BMERB1: variants seen among roughly 807,000 people sequenced by gnomAD.
The protein encoded by BMERB1 is bMERB domain-containing protein 1.
A neutral mutation model predicts 23.6 loss-of-function variants in BMERB1; 12 were observed. The observed-to-expected ratio is 0.51, with a 90% confidence interval of 0.33 to 0.82. BMERB1 has a LOEUF of 0.82. BMERB1 is among the 40% of genes least tolerant of loss of function. The probability of loss-of-function intolerance (pLI) is 0.03; values close to 1 mark genes in which losing one functional copy is unlikely to be tolerated. For synonymous variants in BMERB1, 122 were observed against 96.6 expected, an observed-to-expected ratio of 1.26 and a Z score of -1.54; for missense variants, 247 against 255.4, an observed-to-expected ratio of 0.97 and a Z score of 0.22.
At chr16:15,443,013 C>T (rs537748451) in intron 1 of BMERB1, among the ~76,000 whole-genome samples, 3 of 152,138 alleles carry the variant, frequency 2.0e-5, no homozygotes, top group Admixed American at 6.6e-5. Flanking sequence ...TTTGGGAGGC[C>T]GAGGCTGGTG....
intron 2 of BMERB1, among the ~76,000 whole-genome samples, chr16:15,530,193 C>A (rs529803724): frequency 2.6e-5 from 4 of 152,176 alleles, no homozygotes; most frequent in African/African-American, 9.7e-5. Flanking sequence ...GTATGCCTAG[C>A]ATTCCATTAT....
intron 1 of BMERB1, among the ~76,000 whole-genome samples, chr16:15,501,663 G>A (rs533435276): frequency 5.9e-5 from 9 of 152,262 alleles, no homozygotes; most frequent in Admixed American, 2.0e-4. Flanking sequence ...TTAGGAAGAC[G>A]GGCTTTCGCC....
At chr16:15,581,502 A>G (rs2031014216) in intron 4 of BMERB1, 171 bp downstream of exon 4, 1 of 540,644 alleles carries the variant, frequency 1.8e-6, no homozygotes, top group African/African-American at 1.9e-5. Context: ...TGGCTTGAGA[A>G]TTCATTTTGT....
intron 1 of BMERB1, among the ~76,000 whole-genome samples, chr16:15,444,040 G>A: frequency 6.7e-6 from 1 of 150,208 alleles, no homozygotes; most frequent in Non-Finnish European, 1.5e-5. Context: ...GAGGAAGAGT[G>A]TAGAGAAGGG....
intron 1 of BMERB1, among the ~76,000 whole-genome samples, chr16:15,462,884 T>C (rs2051147728): frequency 6.6e-6 from 1 of 152,148 alleles, no homozygotes; most frequent in Non-Finnish European, 1.5e-5. Flanking sequence ...AGTCCCTCTG[T>C]TGTCAAGGAA....
At chr16:15,434,921 C>T (rs1425341463) in intron 1 of BMERB1, among the ~76,000 whole-genome samples, 162 bp downstream of exon 1, 1 of 152,236 alleles carries the variant, frequency 6.6e-6, no homozygotes, top group Non-Finnish European at 1.5e-5. Flanking sequence ...CGCAGCGACG[C>T]GCTCTCCCCG....
At chr16:15,539,879 A>G (rs1041734286) in intron 2 of BMERB1, among the ~76,000 whole-genome samples, 18 of 152,072 alleles carry the variant, frequency 1.2e-4, no homozygotes, top group African/African-American at 4.3e-4. Context: ...ATTTATTTTC[A>G]GGCAAGGCCT....
intron 2 of BMERB1, among the ~76,000 whole-genome samples, chr16:15,550,086 A>G (rs1266465182): frequency 6.6e-6 from 1 of 151,550 alleles, no homozygotes; most frequent in Non-Finnish European, 1.5e-5. Context: ...AGTAGCTGGG[A>G]CTACAAGCAC....
intron 1 of BMERB1, among the ~76,000 whole-genome samples, chr16:15,455,390 A>G (rs936597383): frequency 2.0e-5 from 3 of 151,372 alleles, no homozygotes; most frequent in Admixed American, 6.6e-5. Flanking sequence ...GACAACTACT[A>G]GTGTGTCCAG....
At chr16:15,473,287 CTTT>C (rs549143781) in intron 1 of BMERB1, among the ~76,000 whole-genome samples, 7 of 137,550 alleles carry the variant, frequency 5.1e-5, no homozygotes, top group African/African-American at 8.0e-5. Flanking sequence ...TTCCTTTAGC[CTTT>C]TTTTTTTTTT....
At chr16:15,437,237 C>T (rs1049293761) in intron 1 of BMERB1, among the ~76,000 whole-genome samples, 9 of 152,266 alleles carry the variant, frequency 5.9e-5, no homozygotes, top group Admixed American at 2.0e-4. Flanking sequence ...GCTGGGTCCA[C>T]GCAGAATGGA....
intron 1 of BMERB1, among the ~76,000 whole-genome samples, chr16:15,497,434 A>G (rs2051483702): frequency 6.6e-6 from 1 of 152,170 alleles, no homozygotes; most frequent in Admixed American, 6.5e-5. Flanking sequence ...TGAGGAAGGA[A>G]CTCAGATAAA....
At chr16:15,526,958 TTTTA>T (rs1328916730) in intron 2 of BMERB1, among the ~76,000 whole-genome samples, 1 of 146,822 alleles carries the variant, frequency 6.8e-6, no homozygotes, top group Non-Finnish European at 1.5e-5. Context: ...ATAAATCATA[TTTTA>T]TTATATTTTA....
chr16:15,531,519 G>C (rs1363720461), intron 2 of BMERB1, among the ~76,000 whole-genome samples: 1 of 152,176 alleles, frequency 6.6e-6, no homozygotes, highest in East Asian at 1.9e-4. Context: ...GCCAAGCCCA[G>C]AGCAGGAGCC....
chr16:15,477,013 C>T (rs775105373), intron 1 of BMERB1, among the ~76,000 whole-genome samples: 3 of 152,164 alleles, frequency 2.0e-5, no homozygotes, highest in African/African-American at 7.2e-5. Context: ...ATAATCTCAG[C>T]ATTTTGAGAG....
chr16:15,495,451 C>T (rs1230754500), intron 1 of BMERB1, among the ~76,000 whole-genome samples: 6 of 151,968 alleles, frequency 3.9e-5, no homozygotes, highest in Admixed American at 6.6e-5. Flanking sequence ...CTACAAGCTC[C>T]GCCTCCCGGG....
intron 2 of BMERB1, among the ~76,000 whole-genome samples, chr16:15,546,968 T>A (rs1217359580): frequency 1.3e-5 from 2 of 152,134 alleles, no homozygotes; most frequent in Non-Finnish European, 2.9e-5. Flanking sequence ...GTTGGAGGAT[T>A]TCTGTTACAT....
intron 2 of BMERB1, among the ~76,000 whole-genome samples, chr16:15,546,436 A>C (rs1299464215): frequency 6.6e-6 from 1 of 152,186 alleles, no homozygotes; most frequent in African/African-American, 2.4e-5. Flanking sequence ...GCTTGGAACA[A>C]TTGTTCCTGG....
chr16:15,523,475 ACTTCC>A (rs1567483942), intron 2 of BMERB1, among the ~76,000 whole-genome samples: 1 of 152,014 alleles, frequency 6.6e-6, no homozygotes, highest in South Asian at 2.1e-4. Flanking sequence ...TCTACCCAGC[ACTTCC>A]CTTCCTTCCT....
Sources: allele counts gnomAD v4.1 joint callset (sites outside exome capture counted in the v4.1 genomes callset), GRCh38; gene constraint gnomAD v4.1.1; transcripts MANE v1.5; gene names NCBI Gene and HGNC (gene_info 2026-07-23, HGNC 2026-07-21).